Variants in CREM observed in about 807,000 individuals in gnomAD.
CREM encodes the protein cAMP-responsive element modulator.
Under a neutral mutation model 37.3 loss-of-function variants are expected in CREM, and 13 were observed. The observed-to-expected ratio is 0.35, with a 90% CI of 0.23 to 0.55. CREM has a LOEUF of 0.55. Among genes scored for constraint, CREM ranks in the 20% least tolerant of loss-of-function variants. CREM has a pLI of 0.88. For missense variants in CREM, 296 were observed against 362.3 expected, an observed-to-expected ratio of 0.82 and a Z score of 1.49; for synonymous variants, 124 against 120.2, an observed-to-expected ratio of 1.03 and a Z score of -0.21.
chr10:35,198,712 C>G (rs1564966106), intron 6 of CREM, among the ~76,000 whole-genome samples: 1 of 152,088 alleles, frequency 6.6e-6, no homozygotes, highest in Non-Finnish European at 1.5e-5. Context: ...GGCTGGATTT[C>G]TGCATTGTTT....
intron 3 of CREM, chr10:35,171,119 G>A (rs189183211): frequency 2.7e-4 from 41 of 150,168 alleles, no homozygotes; most frequent in East Asian, 5.8e-4. Context: ...TTATGTTAGC[G>A]GGTACAAGTT....
At chr10:35,135,890 A>T (rs188394748) in intron 1 of CREM, among the ~76,000 whole-genome samples, 44 of 152,246 alleles carry the variant, frequency 2.9e-4, no homozygotes, top group Admixed American at 2.6e-3. Flanking sequence ...ATTGAGGAAG[A>T]TGGGGACTAG....
chr10:35,151,924 T>C (rs916017144), intron 3 of CREM, among the ~76,000 whole-genome samples: 1 of 152,258 alleles, frequency 6.6e-6, no homozygotes, highest in Non-Finnish European at 1.5e-5. Flanking sequence ...TGAGTATTGT[T>C]ACTATCATAC....
intron 3 of CREM, among the ~76,000 whole-genome samples, chr10:35,155,773 G>T (rs561819520): frequency 6.6e-6 from 1 of 151,706 alleles, no homozygotes; most frequent in African/African-American, 2.4e-5. Context: ...GACTACAGGC[G>T]CGTGCCACCA....
chr10:35,133,125 T>C (rs1375276157), intron 1 of CREM, among the ~76,000 whole-genome samples: 1 of 152,202 alleles, frequency 6.6e-6, no homozygotes, highest in Non-Finnish European at 1.5e-5. Context: ...TTATTCTTTT[T>C]CTTTTTTAGC....
chr10:35,210,151 A>G (rs2095633760), intron 7 of CREM, among the ~76,000 whole-genome samples: 1 of 151,906 alleles, frequency 6.6e-6, no homozygotes, highest in African/African-American at 2.4e-5. Flanking sequence ...GACATTCAAC[A>G]CTGCTTTTTT....
chr10:35,200,489 C>T (rs1474384011), intron 6 of CREM, among the ~76,000 whole-genome samples: 2 of 152,094 alleles, frequency 1.3e-5, no homozygotes, highest in Admixed American at 6.5e-5. Flanking sequence ...TCTATGTGGT[C>T]TATGTGTTAT....
chr10:35,165,745 T>C (rs1589754826), intron 3 of CREM, among the ~76,000 whole-genome samples: 1 of 151,530 alleles, frequency 6.6e-6, no homozygotes, highest in Non-Finnish European at 1.5e-5. Context: ...ACATATCTCA[T>C]ATTGGTTAGA....
intron 3 of CREM, among the ~76,000 whole-genome samples, chr10:35,153,344 G>A (rs1316092065): frequency 6.6e-6 from 1 of 152,178 alleles, no homozygotes; most frequent in African/African-American, 2.4e-5. Context: ...CTGCTCAGCA[G>A]ATCTCAGACA....
chr10:35,203,734 GT>G (rs972849815), intron 6 of CREM, among the ~76,000 whole-genome samples: 22 of 148,522 alleles, frequency 1.5e-4, no homozygotes, highest in African/African-American at 4.7e-4. Flanking sequence ...TTTGTTTTTT[GT>G]TTTTTTTTAA....
intron 3 of CREM, chr10:35,158,495 G>A (rs186699824): frequency 1.8e-4 from 39 of 214,908 alleles, no homozygotes; most frequent in African/African-American, 8.0e-4. Context: ...CTGAAGCACT[G>A]AAGTGGAGAA....
chr10:35,212,529 A>C lies in CREM; in HGVS notation c.*1131A>C, dbSNP rs2095677636. ...TGACATATTTTTTATATCTGGAATG[A>C]GCCTGTTGGGATCGCATTGCATACC... On this transcript the variant is annotated 3_prime_UTR_variant, in exon 8 of 8. Transcript: ENST00000685392. The C allele has an allele frequency of 6.5e-6, 1 of 152,784 alleles. No homozygotes were observed. Among genetic ancestry groups the C allele is most frequent in the African/African-American group, 2.4e-5 (1 of 41,442 alleles). 9.5% of individuals were successfully genotyped at this position (152,784 alleles called of 1,614,324 possible).
chr10:35,137,090 A>G (rs1419207976), intron 1 of CREM, among the ~76,000 whole-genome samples: 2 of 152,128 alleles, frequency 1.3e-5, no homozygotes, highest in Non-Finnish European at 2.9e-5. Context: ...CTGGGATTAC[A>G]GGTGTGAGCC....
chr10:35,196,184 T>C, intron 6 of CREM: 1 of 1,377,548 alleles, frequency 7.3e-7, no homozygotes. Context: ...GCGGGTTCTT[T>C]ACTCTTACTC....
At chr10:35,178,179 G>C (rs2094182380) in intron 3 of CREM, among the ~76,000 whole-genome samples, 2 of 152,076 alleles carry the variant, frequency 1.3e-5, no homozygotes, top group Non-Finnish European at 2.9e-5. Flanking sequence ...TCATGTTGTT[G>C]AAGAGATTCA....
At chr10:35,194,322 T>TA (rs11476558) in intron 6 of CREM, among the ~76,000 whole-genome samples, 1 of 151,654 alleles carries the variant, frequency 6.6e-6, no homozygotes, top group Non-Finnish European at 1.5e-5. Context: ...ATTTGACATT[T>TA]AAAAAAAATG....
Position 35,211,494 on chromosome 10 carries a change from C to A in CREM, c.*96C>A. On this transcript the variant is annotated 3_prime_UTR_variant, in exon 8 of 8. Coordinates refer to ENST00000685392, the MANE Select transcript of CREM (RefSeq NM_183011.2). The stretch of plus-strand genomic sequence containing the variant: ...GGACTTGTGGGAAGGACACGTGTGA[C>A]CCTTAAGAATCCAGTTTGGATTAGT... 2 of 1,515,856 alleles carry A rather than the reference C, an allele frequency of 1.3e-6. No homozygotes were observed. Among genetic ancestry groups the A allele is most frequent in the South Asian group, 2.6e-5 (2 of 77,880 alleles). The allele number at this position is 1,515,856 out of a possible 1,614,324, so 93.9% of individuals were successfully genotyped here.
At chr10:35,209,626 G>A (rs1383928053) in intron 7 of CREM, among the ~76,000 whole-genome samples, 1 of 152,080 alleles carries the variant, frequency 6.6e-6, no homozygotes, top group Non-Finnish European at 1.5e-5. Flanking sequence ...CCGCTATTAG[G>A]TCTTTAAATT....
intron 1 of CREM, among the ~76,000 whole-genome samples, chr10:35,133,557 C>T (rs577473413): frequency 6.6e-5 from 10 of 152,148 alleles, no homozygotes; most frequent in African/African-American, 1.7e-4. Flanking sequence ...ACTTGGCCTC[C>T]GAAAATGCTG....
Sources: allele counts gnomAD v4.1 joint callset (sites outside exome capture counted in the v4.1 genomes callset), GRCh38; gene constraint gnomAD v4.1.1; transcripts MANE v1.5; gene names NCBI Gene and HGNC (gene_info 2026-07-23, HGNC 2026-07-21).